CEP128: variants seen among roughly 807,000 people sequenced by gnomAD.
CEP128 encodes centrosomal protein 128, also known as centrosomal protein 128kDa.
Under a neutral mutation model 156.7 loss-of-function variants are expected in CEP128, and 132 were observed. The observed-to-expected ratio is 0.84, with a 90% CI of 0.73 to 0.97. The LOEUF is 0.97. Among genes scored for constraint, CEP128 ranks in the 50% least tolerant of loss-of-function variants. The pLI is 0.00. For synonymous variants in CEP128, 469 were observed against 448.9 expected (o/e 1.04, Z -0.57); for missense variants, 1,252 against 1,281.9 (o/e 0.98, Z 0.36).
At chr14:80,720,862 G>A (rs983359717) in intron 19 of CEP128, among the ~76,000 whole-genome samples, 1 of 152,042 alleles carries the variant, frequency 6.6e-6, no homozygotes, top group Non-Finnish European at 1.5e-5. Flanking sequence ...TCTGAACTAC[G>A]AATTTAAGAA....
At chr14:80,581,408 A>G (rs1431031729) in intron 19 of CEP128, among the ~76,000 whole-genome samples, 2 of 152,202 alleles carry the variant, frequency 1.3e-5, no homozygotes, top group Non-Finnish European at 2.9e-5. Context: ...CAAGTGCTAT[A>G]TTAGATATAG....
intron 2 of CEP128, among the ~76,000 whole-genome samples, chr14:80,957,610 A>G (rs1886769662): frequency 6.6e-6 from 1 of 152,236 alleles, no homozygotes; most frequent in African/African-American, 2.4e-5. Context: ...AAGTCATTGA[A>G]GAGAGATGTG....
chr14:80,578,133 T>C (rs1697658578), intron 20 of CEP128, among the ~76,000 whole-genome samples: 2 of 152,178 alleles, frequency 1.3e-5, no homozygotes, highest in Non-Finnish European at 2.9e-5. Context: ...TTAATATGAA[T>C]TTTGAGGATT....
At chr14:80,502,999 C>T (rs1198432246) in intron 24 of CEP128, among the ~76,000 whole-genome samples, 1 of 151,944 alleles carries the variant, frequency 6.6e-6, no homozygotes, top group African/African-American at 2.4e-5. Flanking sequence ...AATTCAATTA[C>T]TTGAAAGTAA....
At chr14:80,955,898 C>T in intron 2 of CEP128, 1 of 1,613,046 alleles carries the variant, frequency 6.2e-7, no homozygotes, top group Non-Finnish European at 8.5e-7. Context: ...TCAAGGGCAT[C>T]TGCAGAGGTG....
intron 16 of CEP128, 126 bp downstream of exon 16, chr14:80,777,756 T>TG: frequency 1.4e-6 from 1 of 693,992 alleles, no homozygotes; most frequent in Non-Finnish European, 2.3e-6. Context: ...CTGACTTTTT[T>TG]GGGGGGCACC....
intron 21 of CEP128, among the ~76,000 whole-genome samples, chr14:80,534,577 A>G (rs192239653): frequency 6.6e-6 from 1 of 152,170 alleles, no homozygotes; most frequent in East Asian, 1.9e-4. Flanking sequence ...TGTAATCCCA[A>G]CACTTTGGGA....
intron 23 of CEP128, among the ~76,000 whole-genome samples, chr14:80,522,010 G>A (rs1888766462): frequency 6.6e-6 from 1 of 152,200 alleles, no homozygotes; most frequent in South Asian, 2.1e-4. Context: ...AAAGCATGGA[G>A]TAGTTATTAT....
At chr14:80,799,005 T>C (rs145374137) in intron 13 of CEP128, among the ~76,000 whole-genome samples, 4 of 152,290 alleles carry the variant, frequency 2.6e-5, no homozygotes, top group Non-Finnish European at 2.9e-5. Context: ...GTATAGAAAC[T>C]TGTAAGGGTA....
At chr14:80,496,424 A>T (rs1456146755), downstream of CEP128, 2 of 152,608 alleles carry the variant, frequency 1.3e-5, no homozygotes, top group African/African-American at 4.8e-5. Context: ...AAGCATCTTT[A>T]TGAAATGTGA....
chr14:80,891,120 A>T (rs1889077406), intron 8 of CEP128, among the ~76,000 whole-genome samples: 1 of 152,168 alleles, frequency 6.6e-6, no homozygotes, highest in East Asian at 1.9e-4. Context: ...AAATTAGTGT[A>T]AGCACTATTT....
chr14:80,767,019 A>G (rs1263334285), intron 16 of CEP128, among the ~76,000 whole-genome samples: 1 of 152,172 alleles, frequency 6.6e-6, no homozygotes, highest in African/African-American at 2.4e-5. Flanking sequence ...TAAATCCAGG[A>G]CACTAGCATT....
chr14:80,925,822 G>C (rs986277029), intron 2 of CEP128, among the ~76,000 whole-genome samples: 2 of 152,146 alleles, frequency 1.3e-5, no homozygotes, highest in Admixed American at 1.3e-4. Context: ...GAGCATGAGT[G>C]GGGAGGAGAG....
intron 19 of CEP128, among the ~76,000 whole-genome samples, chr14:80,628,838 A>G (rs1444439906): frequency 1.1e-4 from 16 of 151,468 alleles, no homozygotes; most frequent in African/African-American, 3.7e-4. Flanking sequence ...TCACATATAT[A>G]TATGTATAGT....
chr14:80,687,850 C>G (rs1392880926), intron 19 of CEP128, among the ~76,000 whole-genome samples: 7 of 152,260 alleles, frequency 4.6e-5, no homozygotes, highest in Admixed American at 3.3e-4. Context: ...CCTAATCTTA[C>G]CTGATAAAAC....
At chr14:80,891,449 G>C (rs982699587) in intron 8 of CEP128, among the ~76,000 whole-genome samples, 1 of 151,870 alleles carries the variant, frequency 6.6e-6, no homozygotes, top group Non-Finnish European at 1.5e-5. Flanking sequence ...AAATAAGCCA[G>C]GCACAGAAAG....
At chr14:80,849,453 A>G (rs1886778174) in intron 9 of CEP128, among the ~76,000 whole-genome samples, 1 of 152,192 alleles carries the variant, frequency 6.6e-6, no homozygotes, top group East Asian at 1.9e-4. Flanking sequence ...TTCTCAGATA[A>G]TAAACATAAA....
chr14:80,732,762 T>C (rs1595305955), intron 19 of CEP128, among the ~76,000 whole-genome samples: 1 of 152,064 alleles, frequency 6.6e-6, no homozygotes, highest in East Asian at 1.9e-4. Context: ...CACAAGAGTG[T>C]TCCTGCCTGG....
At position 80,757,488 on chromosome 14, in the gene CEP128, C is replaced by T. The variant is rs548622313; in HGVS notation, c.2554-537G>A. ...GCCTTGTATTTCAATAGTTCATCTG[C>T]GCTAGCTGCTTTGACTTCCTTCACG... On this transcript the variant is annotated intron_variant, in intron 17 of 24. Transcript: ENST00000555265. Among the ~76,000 whole-genome samples, 24 of 152,304 alleles carry T rather than the reference C, an allele frequency of 1.6e-4. No individual in the cohort carries two copies. In the South Asian group the frequency reaches 2.9e-3, roughly 18 times the overall value.
Sources: gnomAD v4.1 joint callset for allele counts (sites outside exome capture counted in the v4.1 genomes callset) on GRCh38, gnomAD v4.1.1 for gene constraint, MANE v1.5 for transcripts, NCBI Gene and HGNC (gene_info 2026-07-23, HGNC 2026-07-21) for gene names.